Variants in JMJD1C observed in about 807,000 individuals in gnomAD.
JMJD1C encodes the protein jumonji domain-containing protein 1C.
In JMJD1C, 31 loss-of-function variants were observed where a neutral mutation model predicts 245.3. That is an observed-to-expected ratio of 0.13 (90% CI 0.09 to 0.17). The LOEUF is 0.17. Ranked by LOEUF, JMJD1C falls within the 10% of genes least tolerant of loss-of-function variation. The pLI, the probability that JMJD1C is intolerant of heterozygous loss-of-function variation, is 1.00. For missense variants in JMJD1C, 2,691 were observed against 3,000.2 expected, an observed-to-expected ratio of 0.90 and a Z score of 2.41; for synonymous variants, 1,057 against 1,017.4, an observed-to-expected ratio of 1.04 and a Z score of -0.74.
At chr10:63,507,882 G>A (rs144913897) in intron 1 of JMJD1C, among the ~76,000 whole-genome samples, 22 of 152,182 alleles carry the variant, frequency 1.4e-4, no homozygotes, top group African/African-American at 4.8e-4. Context: ...TTGGTGAGGC[G>A]TCTGTTAAGG....
intron 1 of JMJD1C, among the ~76,000 whole-genome samples, chr10:63,494,090 C>T (rs1378682009): frequency 3.3e-5 from 5 of 152,126 alleles, no homozygotes; most frequent in Non-Finnish European, 7.4e-5. Flanking sequence ...GCGGGCGGAT[C>T]ACCTGAGGTC....
chr10:63,446,710 T>C (rs572868696), intron 1 of JMJD1C, among the ~76,000 whole-genome samples: 2 of 152,350 alleles, frequency 1.3e-5, no homozygotes, highest in East Asian at 3.9e-4. Flanking sequence ...TAAATGCTGC[T>C]GATAAGCCCA....
intron 1 of JMJD1C, among the ~76,000 whole-genome samples, chr10:63,419,771 A>G (rs1950011016): frequency 6.7e-6 from 1 of 149,262 alleles, no homozygotes; most frequent in Non-Finnish European, 1.5e-5. Context: ...AGAAAAGGAT[A>G]GTTAATCAGA....
chr10:63,310,221 T>A (rs1938979692), intron 2 of JMJD1C, among the ~76,000 whole-genome samples: 2 of 152,182 alleles, frequency 1.3e-5, no homozygotes, highest in South Asian at 4.1e-4. Context: ...ACAGACATTT[T>A]CCCTAAAATA....
intron 2 of JMJD1C, among the ~76,000 whole-genome samples, chr10:63,294,204 T>C (rs1210349605): frequency 6.6e-6 from 1 of 152,156 alleles, no homozygotes; most frequent in Non-Finnish European, 1.5e-5. Context: ...CTCACATCCT[T>C]AAACGTCCTC....
intron 21 of JMJD1C, among the ~76,000 whole-genome samples, chr10:63,184,239 ATTT>A (rs34600901): frequency 7.6e-5 from 10 of 131,368 alleles, no homozygotes; most frequent in Non-Finnish European, 8.1e-5. Context: ...TTGAACAGAA[ATTT>A]TTTTTTTTTT....
intron 1 of JMJD1C, among the ~76,000 whole-genome samples, chr10:63,461,543 A>G (rs1055392106): frequency 7.2e-5 from 11 of 152,208 alleles, no homozygotes; most frequent in African/African-American, 2.7e-4. Context: ...TTTCCTAAAC[A>G]TGAATATTAT....
intron 1 of JMJD1C, among the ~76,000 whole-genome samples, chr10:63,462,892 G>T (rs1005127529): frequency 2.0e-5 from 3 of 151,780 alleles, no homozygotes; most frequent in African/African-American, 7.3e-5. Flanking sequence ...AACAATTATA[G>T]AAATTTAATT....
At chr10:63,304,713 G>T (rs1176522182) in intron 2 of JMJD1C, among the ~76,000 whole-genome samples, 1 of 152,160 alleles carries the variant, frequency 6.6e-6, no homozygotes, top group African/African-American at 2.4e-5. Flanking sequence ...TAAGGCCACA[G>T]AAAAGATCAG....
At chr10:63,239,329 G>A (rs1230932018) in intron 3 of JMJD1C, among the ~76,000 whole-genome samples, 1 of 152,208 alleles carries the variant, frequency 6.6e-6, no homozygotes, top group Non-Finnish European at 1.5e-5. Context: ...GGCGGGTAAG[G>A]ATGGGAGCCT....
At chr10:63,501,574 G>A (rs988317763) in intron 1 of JMJD1C, among the ~76,000 whole-genome samples, 6 of 152,002 alleles carry the variant, frequency 3.9e-5, no homozygotes, top group African/African-American at 9.7e-5. Context: ...TCAGGAGATC[G>A]AGACCATCCT....
chr10:63,428,836 C>T (rs1950589881), intron 1 of JMJD1C, among the ~76,000 whole-genome samples: 2 of 152,100 alleles, frequency 1.3e-5, no homozygotes, highest in African/African-American at 4.8e-5. Flanking sequence ...TAATAATACT[C>T]TTATCTAAGT....
At chr10:63,380,142 C>G in intron 2 of JMJD1C, 176 bp downstream of exon 2, 2 of 516,424 alleles carry the variant, frequency 3.9e-6, no homozygotes, top group African/African-American at 2.0e-5. Flanking sequence ...TGGGGTCTCG[C>G]TTTTTTGCCC....
At chr10:63,365,024 G>A (rs942042506) in intron 2 of JMJD1C, among the ~76,000 whole-genome samples, 4 of 152,112 alleles carry the variant, frequency 2.6e-5, no homozygotes, top group Non-Finnish European at 5.9e-5. Flanking sequence ...TTTGATCACC[G>A]CTTACTCCAC....
intron 1 of JMJD1C, among the ~76,000 whole-genome samples, chr10:63,515,716 T>G (rs1446348779): frequency 6.6e-6 from 1 of 152,196 alleles, no homozygotes; most frequent in African/African-American, 2.4e-5. Flanking sequence ...GTTCAGTTAT[T>G]TATTTGTTGT....
intron 2 of JMJD1C, among the ~76,000 whole-genome samples, chr10:63,276,414 C>T (rs1346840508): frequency 6.8e-6 from 1 of 147,568 alleles, no homozygotes; most frequent in East Asian, 2.0e-4. Flanking sequence ...TCCAGTGAGC[C>T]GAGACCCCGC....
intron 1 of JMJD1C, among the ~76,000 whole-genome samples, chr10:63,481,497 C>G (rs1953829026): frequency 6.6e-6 from 1 of 151,820 alleles, no homozygotes; most frequent in African/African-American, 2.4e-5. Context: ...AACAAACAGC[C>G]TTTCTTAATT....
intron 3 of JMJD1C, among the ~76,000 whole-genome samples, chr10:63,226,398 G>C (rs113006070): frequency 0.035 from 5,315 of 152,028 alleles, 285 homozygotes; most frequent in East Asian, 0.26. Flanking sequence ...CAAAATAAAG[G>C]TATTTTTTCA....
intron 2 of JMJD1C, among the ~76,000 whole-genome samples, chr10:63,305,459 CCTCTCTCTCTCTCTCTCT>C (rs371564275): frequency 5.3e-5 from 6 of 113,082 alleles, no homozygotes; most frequent in Admixed American, 1.8e-4. Flanking sequence ...ACGCTCTGAC[CCTCTCTCTCTCTCTCTCT>C]CTCTCTCTCT....
Sources: allele counts gnomAD v4.1 joint callset (sites outside exome capture counted in the v4.1 genomes callset), GRCh38; gene constraint gnomAD v4.1.1; transcripts MANE v1.5; gene names NCBI Gene and HGNC (gene_info 2026-07-23, HGNC 2026-07-21).